Variants in PDZD2 observed in about 807,000 individuals in gnomAD.
The protein encoded by PDZD2 is PDZ domain containing 2.
A neutral mutation model predicts 220.7 loss-of-function variants in PDZD2; 90 were observed. The observed-to-expected ratio is 0.41, with a 90% CI of 0.34 to 0.49. PDZD2 has a LOEUF of 0.49. Among genes scored for constraint, PDZD2 ranks in the 20% least tolerant of loss-of-function variants. The probability of loss-of-function intolerance (pLI) is 0.28; values close to 1 mark genes in which losing one functional copy is unlikely to be tolerated. For missense variants in PDZD2, 3,174 were observed against 3,608.5 expected (o/e 0.88, Z 3.08); for synonymous variants, 1,375 against 1,450.5 (o/e 0.95, Z 1.18).
At chr5:31,744,025 G>A (rs1239946279) in intron 1 of PDZD2, 4 of 152,188 alleles carry the variant, frequency 2.6e-5, no homozygotes, top group Non-Finnish European at 5.9e-5. Context: ...CAAAGCACAA[G>A]TAACTTCTTA....
intron 1 of PDZD2, among the ~76,000 whole-genome samples, chr5:31,739,192 G>C (rs1245050657): frequency 3.9e-5 from 6 of 152,118 alleles, no homozygotes; most frequent in Non-Finnish European, 8.8e-5. Flanking sequence ...GGCCAAATAT[G>C]CACAATTTTA....
intron 2 of PDZD2, chr5:31,847,850 C>T: frequency 1.9e-6 from 1 of 534,710 alleles, no homozygotes. Context: ...GAAGTTAATG[C>T]ATTGGAAGCA....
At chr5:31,917,985 G>A (rs143424408) in intron 2 of PDZD2, among the ~76,000 whole-genome samples, 3 of 152,234 alleles carry the variant, frequency 2.0e-5, no homozygotes, top group African/African-American at 7.2e-5. Flanking sequence ...GTGAGCCACC[G>A]TGCCCGGCCA....
At chr5:31,777,203 G>C (rs1325386152) in intron 1 of PDZD2, among the ~76,000 whole-genome samples, 1 of 152,176 alleles carries the variant, frequency 6.6e-6, no homozygotes, top group Non-Finnish European at 1.5e-5. Flanking sequence ...CGGAGTGGCT[G>C]GCAGGTGCCA....
At chr5:31,847,988 G>T (rs1051584724) in intron 2 of PDZD2, 8 of 409,586 alleles carry the variant, frequency 2.0e-5, no homozygotes, top group Non-Finnish European at 3.3e-5. Context: ...GTATAAGAAG[G>T]CTCATGCTGC....
chr5:31,784,890 C>T (rs767384365), intron 1 of PDZD2, among the ~76,000 whole-genome samples: 1 of 151,518 alleles, frequency 6.6e-6, no homozygotes, highest in Non-Finnish European at 1.5e-5. Context: ...TTGGGCGACA[C>T]AGCGAGATGC....
chr5:31,771,653 C>T (rs1425944876), intron 1 of PDZD2, among the ~76,000 whole-genome samples: 1 of 152,138 alleles, frequency 6.6e-6, no homozygotes, highest in Non-Finnish European at 1.5e-5. Context: ...TACTCATCAG[C>T]AAGAACAAGA....
intron 1 of PDZD2, among the ~76,000 whole-genome samples, chr5:31,737,863 T>G (rs1358513341): frequency 1.3e-5 from 2 of 152,202 alleles, no homozygotes; most frequent in Non-Finnish European, 2.9e-5. Context: ...TGCACAGTGC[T>G]TATGTGGATT....
rs1387966453 is a variant in PDZD2, at chr5:32,085,635, G to A, written c.3683-1496G>A. Among the ~76,000 whole-genome samples the A allele has an allele frequency of 2.1e-5, 3 of 145,796 alleles. 1 individual carries two copies. Among genetic ancestry groups the A allele is most frequent in the Admixed American group, 6.7e-5 (1 of 15,036 alleles). ...TAATTTTTGTATTTTTAGTAGAGAC[G>A]GGAATTTCACCATGTTGGCCAGGCT... On this transcript the variant is annotated intron_variant, in intron 19 of 24. Coordinates refer to ENST00000438447, the MANE Select transcript of PDZD2 (RefSeq NM_178140.4).
rs147636416 is a variant in PDZD2 at position 31,766,387 on chromosome 5, T to C, written c.-360-32502T>C. On this transcript the variant is annotated intron_variant, in intron 1 of 24. Transcript: ENST00000438447. The stretch of plus-strand genomic sequence containing the variant: ...TTATTATTGTATTCATTTTATCTTA[T>C]TTTATTTTTTGAGATGGTGTCTCAC... Among the ~76,000 whole-genome samples, 341 of 152,336 alleles carry C rather than the reference T, an allele frequency of 2.2e-3. 7 individuals are homozygous for C. The highest frequency in any genetic ancestry group is 9.6e-4 in the East Asian group (5 of 5,188).
At chr5:31,730,592 G>GTGTGTGGTGT (rs3222598) in intron 1 of PDZD2, among the ~76,000 whole-genome samples, 42 of 121,240 alleles carry the variant, frequency 3.5e-4, no homozygotes, top group Admixed American at 1.9e-3. Context: ...GTGTGTGTGT[G>GTGTGTGGTGT]GTGTGTGTGT....
chr5:31,862,101 GTTTT>G lies in PDZD2; in HGVS notation c.476+62396_476+62399del, dbSNP rs11417935. Among the ~76,000 whole-genome samples the G allele has an allele frequency of 6.4e-5, 5 of 78,500 alleles. No individual in the cohort carries two copies. In the South Asian group the frequency reaches 1.5e-3, roughly 24 times the overall value. The allele number at this position is 78,500 out of a possible 152,430, so 51.5% of individuals were successfully genotyped here. A position where few individuals can be genotyped will look rare whatever the true frequency, so the allele number is the denominator to read the frequency against. ...AATAGACTCAATGTTTTTTTTTTGGGTTTTTTTTTTTTTTTTTTTTTTGAGATGG... is the reference window on the plus strand; with the variant it reads ...AATAGACTCAATGTTTTTTTTTTGGGTTTTTTTTTTTTTTTTTTGAGATGG... On this transcript the variant is annotated intron_variant, in intron 2 of 24. Coordinates refer to ENST00000438447, the MANE Select transcript of PDZD2 (RefSeq NM_178140.4).
rs981493604 is a variant in PDZD2 at position 32,088,206 on chromosome 5, G to C, written c.4758G>C (p.Leu1586Phe). The change falls in exon 20 of 25, where the codon TTG becomes TTC. Residue 1586 changes from leucine to phenylalanine, a missense_variant. Leu to Phe is a conservative substitution (Grantham distance 22). This residue lies in a region of PDZD2 where 1,861 missense variants were observed against 2,001.0 expected (regional missense o/e 0.93). Transcript: ENST00000438447. This position sits in a 1 kb window ranked among gnomAD's most constrained non-coding sequence, Gnocchi z 4.6. ...CCCCTCCTCGTTCCCGTGTGTCTTT[G>C]CACAAGGAAGATCCTTCGGAGTCAG... is the stretch of plus-strand genomic sequence containing the variant. ...GWSPPRSRVS[L>F]HKEDPSESEE... The C allele has an allele frequency of 3.1e-6, 5 of 1,613,976 alleles. No individual in the cohort carries two copies. Among genetic ancestry groups the C allele is most frequent in the Non-Finnish European group, 4.2e-6 (5 of 1,179,998 alleles).
intron 1 of PDZD2, among the ~76,000 whole-genome samples, chr5:31,706,356 T>TGGCCAGGTTAC (rs1747820310): frequency 1.3e-5 from 2 of 152,190 alleles, no homozygotes; most frequent in Admixed American, 1.3e-4. Context: ...GGACAGGTTT[T>TGGCCAGGTTAC]GGCCAGGTTA....
At chr5:31,690,256 G>T (rs1431906932) in intron 1 of PDZD2, among the ~76,000 whole-genome samples, 6 of 152,118 alleles carry the variant, frequency 3.9e-5, no homozygotes, top group Non-Finnish European at 7.4e-5. Context: ...CTAAACTTCG[G>T]TTTGCTCCTC....
chr5:31,922,297 T>C (rs532710951), intron 2 of PDZD2, among the ~76,000 whole-genome samples: 3 of 152,350 alleles, frequency 2.0e-5, no homozygotes, highest in African/African-American at 7.2e-5. Flanking sequence ...AGTACAGCTC[T>C]GAGCCCAAAC....
chr5:31,703,142 G>A (rs1003580779), intron 1 of PDZD2, among the ~76,000 whole-genome samples: 1 of 152,236 alleles, frequency 6.6e-6, no homozygotes, highest in African/African-American at 2.4e-5. Context: ...TTTATTTTCA[G>A]AGAAGCTTTT....
chr5:31,683,780 A>G (rs529201353), intron 1 of PDZD2, among the ~76,000 whole-genome samples: 2 of 152,292 alleles, frequency 1.3e-5, no homozygotes, highest in South Asian at 4.2e-4. Flanking sequence ...ACATCCTTGT[A>G]CCTACATCCC....
chr5:31,649,984 G>A (rs990584220), intron 1 of PDZD2, among the ~76,000 whole-genome samples: 1 of 147,836 alleles, frequency 6.8e-6, no homozygotes, highest in African/African-American at 2.5e-5. Flanking sequence ...AGGGCAAATC[G>A]GAAAAAATCT....
Sources: gnomAD v4.1 joint callset for allele counts (sites outside exome capture counted in the v4.1 genomes callset) on GRCh38, gnomAD v4.1.1 for gene constraint, gnomAD v4.1.1 regional missense constraint, Gnocchi (gnomAD v3.1) non-coding constraint, MANE v1.5 for transcripts, NCBI Gene and HGNC (gene_info 2026-07-23, HGNC 2026-07-21) for gene names.